The following ARSG variants were observed in gnomAD, a reference collection of about 807,000 sequenced individuals.
ARSG encodes the protein arylsulfatase G.
Under a neutral mutation model 50.5 loss-of-function variants are expected in ARSG, and 37 were observed. That is an observed-to-expected ratio of 0.73 (90% confidence interval 0.56 to 0.96). The LOEUF is 0.96. Ranked by LOEUF, ARSG falls within the 50% of genes least tolerant of loss-of-function variation. The pLI, the probability that ARSG is intolerant of heterozygous loss-of-function variation, is 0.00. For missense variants in ARSG, 629 were observed against 675.3 expected, an observed-to-expected ratio of 0.93 and a Z score of 0.76; for synonymous variants, 225 against 254.6, an observed-to-expected ratio of 0.88 and a Z score of 1.11.
the ARSG span, among the ~76,000 whole-genome samples, chr17:68,435,101 G>A: frequency 6.6e-6 from 1 of 152,026 alleles, no homozygotes; most frequent in African/African-American, 2.4e-5. Context: ...CAGCTACTCG[G>A]GAGGCTGAGG....
intron 8 of ARSG, among the ~76,000 whole-genome samples, chr17:68,370,823 G>C (rs1471725063): frequency 1.3e-5 from 2 of 152,152 alleles, no homozygotes; most frequent in African/African-American, 4.8e-5. Flanking sequence ...CAACAAATGA[G>C]CTTTGTCTTT....
intron 2 of ARSG, among the ~76,000 whole-genome samples, chr17:68,324,872 T>C (rs961008987): frequency 3.3e-5 from 5 of 152,184 alleles, no homozygotes; most frequent in Admixed American, 6.5e-5. Flanking sequence ...TTTTGGGAAA[T>C]GCTTTCCCAA....
At chr17:68,353,901 CG>C (rs2078912213) in intron 5 of ARSG, among the ~76,000 whole-genome samples, 1 of 151,738 alleles carries the variant, frequency 6.6e-6, no homozygotes, top group Non-Finnish European at 1.5e-5. Context: ...GGGGTTTCAC[CG>C]TGTTGGCCAA....
chr17:68,437,948 TAA>T, the ARSG span, among the ~76,000 whole-genome samples: 339 of 78,774 alleles, frequency 4.3e-3, 4 homozygotes, highest in Non-Finnish European at 6.6e-3. Flanking sequence ...ACATCTCTCT[TAA>T]AAAAAAAAAA....
At chr17:68,341,065 C>A (rs2146213266) in intron 2 of ARSG, among the ~76,000 whole-genome samples, 1 of 152,224 alleles carries the variant, frequency 6.6e-6, no homozygotes, top group African/African-American at 2.4e-5. Context: ...CCCAATATTG[C>A]CACCAGTGGA....
chr17:68,272,653 AAC>A (rs1555749366), intron 1 of ARSG: 3 of 1,614,092 alleles, frequency 1.9e-6, no homozygotes, highest in South Asian at 1.1e-5. Context: ...TGCGAAAGCA[AAC>A]ACAGCGAAAC....
rs200740792 is a variant in ARSG, at chr17:68,376,281, T to TG, written c.982+5757_982+5758insG. Among the ~76,000 whole-genome samples the TG allele has an allele frequency of 4.2e-3, 631 of 148,756 alleles. 26 individuals carry two copies. The East Asian group carries it at 0.046, about 11-fold the overall frequency. Reference sequence around the variant, plus strand: ...GTGTGCCACTGCGCCCCCTGCATTTTTTTTTTTTTTTCTGAGATAGGGTCT... The same window carrying TG: ...GTGTGCCACTGCGCCCCCTGCATTTTGTTTTTTTTTTTCTGAGATAGGGTCT... On this transcript the variant is annotated intron_variant, in intron 8 of 11. Coordinates refer to ENST00000621439, the MANE Select transcript of ARSG (RefSeq NM_001267727.2).
chr17:68,400,342 G>A (rs1403546366), intron 10 of ARSG: 1 of 152,194 alleles, frequency 6.6e-6, no homozygotes, highest in Non-Finnish European at 1.5e-5. Context: ...GACCTGATGA[G>A]GAAAGATTTC....
At chr17:68,314,579 C>T (rs1415854046) in intron 2 of ARSG, among the ~76,000 whole-genome samples, 2 of 150,570 alleles carry the variant, frequency 1.3e-5, no homozygotes, top group African/African-American at 4.9e-5. Flanking sequence ...TGGTGTTGCA[C>T]ATCTGTGGTC....
chr17:68,377,925 C>T (rs770515009), intron 8 of ARSG, among the ~76,000 whole-genome samples: 3 of 152,172 alleles, frequency 2.0e-5, no homozygotes, highest in Non-Finnish European at 4.4e-5. Flanking sequence ...ATGCCATTGC[C>T]CTCTTTTCTT....
intron 4 of ARSG, among the ~76,000 whole-genome samples, chr17:68,351,044 A>T (rs1164539199): frequency 6.6e-6 from 1 of 152,150 alleles, no homozygotes; most frequent in Non-Finnish European, 1.5e-5. Context: ...CACCATCTCT[A>T]TCGGGGGTAA....
rs367860352 is a variant in ARSG, at chr17:68,356,410, T to C, written c.567-257T>C. Among the ~76,000 whole-genome samples, 10 of 152,272 alleles carry C rather than the reference T, an allele frequency of 6.6e-5. No homozygotes were observed. In the South Asian group the frequency reaches 2.1e-3, roughly 32 times the overall value. ...GCAAAATGCAAGTAATAAAAAATAA[T>C]GTCCCTAGCTCACGAGAGTCTTTGC... On this transcript the variant is annotated intron_variant, in intron 5 of 11. Coordinates refer to ENST00000621439, the MANE Select transcript of ARSG (RefSeq NM_001267727.2).
At chr17:68,449,316 C>T in the ARSG span, among the ~76,000 whole-genome samples, 1 of 152,224 alleles carries the variant, frequency 6.6e-6, no homozygotes, top group Admixed American at 6.5e-5. Flanking sequence ...ATGGTGAACA[C>T]ACCAGCACAG....
chr17:68,388,257 G>A (rs74995787), intron 9 of ARSG, among the ~76,000 whole-genome samples: 9,961 of 152,216 alleles, frequency 0.065, 715 homozygotes, highest in African/African-American at 0.17. Flanking sequence ...CCCAACCGTG[G>A]CGTGGTCGGC....
At chr17:68,265,839 G>A (rs558007134) in intron 1 of ARSG, among the ~76,000 whole-genome samples, 3 of 150,562 alleles carry the variant, frequency 2.0e-5, no homozygotes, top group East Asian at 2.0e-4. Context: ...TTCAGTATCC[G>A]TAAATAAAAT....
chr17:68,265,854 T>C (rs1256616854), intron 1 of ARSG, among the ~76,000 whole-genome samples: 5 of 152,112 alleles, frequency 3.3e-5, no homozygotes, highest in Non-Finnish European at 5.9e-5. Context: ...TAAAATTCCA[T>C]TGAAACATGG....
At chr17:68,344,773 C>T (rs1459808774) in intron 3 of ARSG, among the ~76,000 whole-genome samples, 1 of 152,242 alleles carries the variant, frequency 6.6e-6, no homozygotes, top group Non-Finnish European at 1.5e-5. Context: ...ATCCCTGCCT[C>T]CTCCACTATA....
chr17:68,360,660 C>T (rs1214113570), intron 6 of ARSG, among the ~76,000 whole-genome samples: 1 of 152,070 alleles, frequency 6.6e-6, no homozygotes, highest in East Asian at 1.9e-4. Flanking sequence ...GAAAAGGAGC[C>T]GGTAGAAGGC....
intron 1 of ARSG, chr17:68,268,801 A>G (rs1555747321): frequency 8.3e-6 from 3 of 362,154 alleles, no homozygotes; most frequent in Non-Finnish European, 1.5e-5. Context: ...AATGTGAACC[A>G]AAGAGTCTTT....
Sources: gnomAD v4.1 joint callset for allele counts (sites outside exome capture counted in the v4.1 genomes callset) on GRCh38, gnomAD v4.1.1 for gene constraint, MANE v1.5 for transcripts, NCBI Gene and HGNC (gene_info 2026-07-23, HGNC 2026-07-21) for gene names.